ZMAT4: variants seen among roughly 807,000 people sequenced by gnomAD.
ZMAT4 encodes the protein zinc finger matrin-type protein 4.
A neutral mutation model predicts 28.7 loss-of-function variants in ZMAT4; 17 were observed. That is an observed-to-expected ratio of 0.59 (90% CI 0.41 to 0.89). The LOEUF is 0.89. Ranked by LOEUF, ZMAT4 falls within the 40% of genes least tolerant of loss-of-function variation. The pLI is 0.00. For missense variants in ZMAT4, 240 were observed against 283.8 expected (o/e 0.85, Z 1.11); for synonymous variants, 117 against 109.2 (o/e 1.07, Z -0.44).
In ZMAT4 at chr8:40,741,581, A is replaced by C. The variant is rs1585975275; in HGVS notation, c.192+26060T>G. Among the ~76,000 whole-genome samples, 3 of 152,352 alleles carry C rather than the reference A, an allele frequency of 2.0e-5. No homozygotes were observed. The South Asian group carries it at 6.2e-4, about 32-fold the overall frequency. The stretch of plus-strand genomic sequence containing the variant: ...AAGATTGGTAATATCCAGTATTATT[A>C]TATTAACAATATCATTTGTGAAGAT... On this transcript the variant is annotated intron_variant, in intron 3 of 6. Transcript: ENST00000297737.
intron 5 of ZMAT4, among the ~76,000 whole-genome samples, chr8:40,623,143 A>C (rs1187032638): frequency 2.6e-5 from 4 of 152,294 alleles, no homozygotes; most frequent in African/African-American, 9.6e-5. Context: ...CAAAGCACTG[A>C]GCAAAATGAA....
intron 3 of ZMAT4, among the ~76,000 whole-genome samples, chr8:40,756,221 T>C (rs1812670470): frequency 2.0e-5 from 3 of 151,706 alleles, no homozygotes; most frequent in Admixed American, 1.3e-4. Flanking sequence ...GTATTTGTCT[T>C]AAAAAACACA....
intron 6 of ZMAT4, among the ~76,000 whole-genome samples, chr8:40,564,531 T>C (rs183078434): frequency 3.0e-4 from 46 of 152,296 alleles, no homozygotes; most frequent in Middle Eastern, 3.4e-3. Context: ...TAGACAAAAG[T>C]AAAGTTTTCC....
intron 3 of ZMAT4, among the ~76,000 whole-genome samples, chr8:40,710,335 A>G (rs1374896049): frequency 6.6e-6 from 1 of 152,198 alleles, no homozygotes; most frequent in Non-Finnish European, 1.5e-5. Flanking sequence ...ATTATGGGAT[A>G]TTCTAATTCA....
intron 2 of ZMAT4, among the ~76,000 whole-genome samples, chr8:40,781,742 A>G (rs1458311215): frequency 2.2e-5 from 3 of 135,376 alleles, no homozygotes; most frequent in Non-Finnish European, 4.8e-5. Flanking sequence ...AGCCTGGGCA[A>G]CAGAGCGAGA....
chr8:40,629,824 G>T (rs1206799954), intron 5 of ZMAT4, among the ~76,000 whole-genome samples: 5 of 152,036 alleles, frequency 3.3e-5, no homozygotes, highest in Admixed American at 3.3e-4. Flanking sequence ...CATTTAGGTT[G>T]GTTCCAAGTC....
Position 40,665,638 on chromosome 8 carries a change from A to T in ZMAT4, c.577+9066T>A, listed in dbSNP as rs565620777. ...AGAAAACTCAGAGTTGGCTGTGCTT[A>T]TTCTATACTTCAGTTCAAAGCAAGT... On this transcript the variant is annotated intron_variant, in intron 5 of 6. Coordinates refer to ENST00000297737, the MANE Select transcript of ZMAT4 (RefSeq NM_024645.3). 5.0e-4 allele frequency among the ~76,000 whole-genome samples: 76 copies of T among 152,328 alleles called. 1 individual carries two copies. The highest frequency in any genetic ancestry group is 8.8e-4 in the Non-Finnish European group (60 of 68,032).
chr8:40,739,624 G>A (rs1436549302), intron 3 of ZMAT4, among the ~76,000 whole-genome samples: 4 of 152,104 alleles, frequency 2.6e-5, no homozygotes, highest in Non-Finnish European at 5.9e-5. Flanking sequence ...ACCTATCAGG[G>A]TTTTTGTTTG....
At chr8:40,638,358 ATAAAGT>A (rs546203194) in intron 5 of ZMAT4, among the ~76,000 whole-genome samples, 23 of 152,348 alleles carry the variant, frequency 1.5e-4, no homozygotes, top group Non-Finnish European at 2.8e-4. Context: ...TCAATTAAAG[ATAAAGT>A]TAAAACAATA....
intron 2 of ZMAT4, among the ~76,000 whole-genome samples, chr8:40,800,296 T>A (rs1352843251): frequency 6.6e-6 from 1 of 152,220 alleles, no homozygotes; most frequent in Non-Finnish European, 1.5e-5. Flanking sequence ...TTACTATGCT[T>A]GGGCACTTCA....
intron 2 of ZMAT4, among the ~76,000 whole-genome samples, chr8:40,818,110 T>C (rs1052921867): frequency 2.0e-5 from 3 of 152,208 alleles, no homozygotes; most frequent in African/African-American, 7.2e-5. Flanking sequence ...CTTAGCCGTG[T>C]GCATATTGCC....
chr8:40,881,447 GAAAGAAAGAA>G (rs1563263360), intron 1 of ZMAT4, among the ~76,000 whole-genome samples: 32 of 115,610 alleles, frequency 2.8e-4, no homozygotes, highest in African/African-American at 1.1e-3. Flanking sequence ...AAGAAAGAAA[GAAAGAAAGAA>G]AGAAAGAAAG....
chr8:40,873,794 T>C (rs1817945074), intron 1 of ZMAT4, among the ~76,000 whole-genome samples: 1 of 152,228 alleles, frequency 6.6e-6, no homozygotes, highest in Non-Finnish European at 1.5e-5. Context: ...TTGGAGAACG[T>C]CCGTCCTCCT....
chr8:40,677,539 C>A (rs964958272), intron 4 of ZMAT4, among the ~76,000 whole-genome samples: 1 of 152,132 alleles, frequency 6.6e-6, no homozygotes, highest in African/African-American at 2.4e-5. Context: ...AATTAACATA[C>A]TTTGCAGCTA....
intron 5 of ZMAT4, among the ~76,000 whole-genome samples, chr8:40,591,112 T>C (rs1051823422): frequency 4.6e-5 from 7 of 152,078 alleles, no homozygotes; most frequent in African/African-American, 1.7e-4. Flanking sequence ...CTCCAGCCTA[T>C]CAACATATAT....
intron 5 of ZMAT4, among the ~76,000 whole-genome samples, chr8:40,667,632 T>A (rs1808477197): frequency 6.6e-6 from 1 of 152,162 alleles, no homozygotes; most frequent in Admixed American, 6.5e-5. Flanking sequence ...TCATCATGTT[T>A]AATGCAATGC....
At chr8:40,888,777 C>T (rs1025271905) in intron 1 of ZMAT4, among the ~76,000 whole-genome samples, 10 of 152,230 alleles carry the variant, frequency 6.6e-5, no homozygotes, top group Non-Finnish European at 1.3e-4. Flanking sequence ...AGGGCCACCT[C>T]GGGGGGGCCC....
chr8:40,638,490 GTC>G (rs1806880043), intron 5 of ZMAT4, among the ~76,000 whole-genome samples: 1 of 152,208 alleles, frequency 6.6e-6, no homozygotes, highest in South Asian at 2.1e-4. Context: ...AATCCACTGA[GTC>G]TCTTCTACAA....
chr8:40,623,812 CAG>C (rs1806282244), intron 5 of ZMAT4, among the ~76,000 whole-genome samples: 1 of 152,200 alleles, frequency 6.6e-6, no homozygotes, highest in African/African-American at 2.4e-5. Flanking sequence ...ACAGAAATAG[CAG>C]AGTGTCCATC....
Sources: allele counts gnomAD v4.1 joint callset (sites outside exome capture counted in the v4.1 genomes callset), GRCh38; gene constraint gnomAD v4.1.1; transcripts MANE v1.5; gene names NCBI Gene and HGNC (gene_info 2026-07-23, HGNC 2026-07-21).